Variants in COL26A1 observed in about 807,000 individuals in gnomAD.
COL26A1 encodes the protein collagen type XXVI alpha 1 chain.
Under a neutral mutation model 59.3 loss-of-function variants are expected in COL26A1, and 41 were observed. The ratio of observed to expected loss-of-function variants is 0.69; its 90% CI spans 0.54 to 0.90. COL26A1 has a LOEUF of 0.90. COL26A1 is among the 40% of genes least tolerant of loss of function. The pLI is 0.00. For missense variants in COL26A1, 612 were observed against 602.3 expected (o/e 1.02, Z -0.17); for synonymous variants, 266 against 256.0 (o/e 1.04, Z -0.37).
At chr7:101,458,106 G>C (rs886312771) in intron 3 of COL26A1, among the ~76,000 whole-genome samples, 3 of 151,950 alleles carry the variant, frequency 2.0e-5, no homozygotes, top group Admixed American at 1.3e-4. Flanking sequence ...ATGTTGGCCA[G>C]GCTGGTCTTA....
chr7:101,520,662 A>ACACACACACACACACACACACCC (rs915256077), intron 3 of COL26A1, among the ~76,000 whole-genome samples: 28 of 143,356 alleles, frequency 2.0e-4, no homozygotes, highest in African/African-American at 6.5e-4. Context: ...ACACACACAC[A>ACACACACACACACACACACACCC]CCCCCGTGTT....
intron 3 of COL26A1, among the ~76,000 whole-genome samples, chr7:101,473,171 C>G (rs1244808528): frequency 2.0e-5 from 3 of 152,100 alleles, no homozygotes; most frequent in South Asian, 4.1e-4. Flanking sequence ...GCTCCACCTC[C>G]TGGGTTCACG....
chr7:101,398,370 GAC>G (rs1260791845), intron 1 of COL26A1, among the ~76,000 whole-genome samples: 1 of 152,140 alleles, frequency 6.6e-6, no homozygotes, highest in South Asian at 2.1e-4. Context: ...CCAGTTTCTT[GAC>G]ACACAGCTCT....
chr7:101,461,494 C>T (rs949924767), intron 3 of COL26A1, among the ~76,000 whole-genome samples: 8 of 152,144 alleles, frequency 5.3e-5, no homozygotes, highest in South Asian at 4.1e-4. Flanking sequence ...GATGGGGATT[C>T]GCCATGTTGG....
chr7:101,456,611 C>T (rs2130409711), intron 3 of COL26A1, among the ~76,000 whole-genome samples: 1 of 137,766 alleles, frequency 7.3e-6, no homozygotes, highest in Middle Eastern at 3.5e-3. Context: ...TTATGGTGAG[C>T]CGAGATCACG....
chr7:101,502,097 C>G (rs1794718619), intron 3 of COL26A1, among the ~76,000 whole-genome samples: 1 of 152,208 alleles, frequency 6.6e-6, no homozygotes, highest in Non-Finnish European at 1.5e-5. Context: ...CGCCTATAAT[C>G]CCAGCACTTT....
chr7:101,490,157 C>T (rs1037554394), intron 3 of COL26A1, among the ~76,000 whole-genome samples: 14 of 151,378 alleles, frequency 9.2e-5, no homozygotes, highest in African/African-American at 3.2e-4. Context: ...AGGCTGGTCT[C>T]GAACTCCTGA....
At chr7:101,501,604 C>T (rs765071052) in intron 3 of COL26A1, among the ~76,000 whole-genome samples, 19 of 152,004 alleles carry the variant, frequency 1.2e-4, no homozygotes, top group Non-Finnish European at 2.6e-4. Flanking sequence ...TCACTCTCTG[C>T]CTGTTGTTTC....
chr7:101,483,990 A>AGTGT (rs55863250), intron 3 of COL26A1, among the ~76,000 whole-genome samples: 10,669 of 127,828 alleles, frequency 0.083, 499 homozygotes, highest in East Asian at 0.092. Context: ...AACTTTTTAA[A>AGTGT]GTGTGTGTGT....
chr7:101,545,867 A>C (rs1336017121), intron 7 of COL26A1, among the ~76,000 whole-genome samples: 3 of 152,056 alleles, frequency 2.0e-5, no homozygotes, highest in African/African-American at 7.2e-5. Context: ...CAGATTCCCT[A>C]CCTGGCTACC....
chr7:101,467,362 G>A (rs73398924), intron 3 of COL26A1, among the ~76,000 whole-genome samples: 5,417 of 144,676 alleles, frequency 0.037, 369 homozygotes, highest in African/African-American at 0.13. Flanking sequence ...TGCACAGGGC[G>A]GGGGGAGGAT....
chr7:101,540,136 C>T, intron 5 of COL26A1, 87 bp downstream of exon 5: 2 of 1,329,202 alleles, frequency 1.5e-6, no homozygotes, highest in Non-Finnish European at 2.0e-6. Flanking sequence ...AGAGGCCACA[C>T]ACTAGACACT....
intron 1 of COL26A1, among the ~76,000 whole-genome samples, chr7:101,365,859 A>G (rs554562311): frequency 6.6e-6 from 1 of 152,270 alleles, no homozygotes; most frequent in Non-Finnish European, 1.5e-5. Context: ...ATACGCCTGC[A>G]AAAAAGCAAG....
At chr7:101,552,053 G>C (rs2130683009) in intron 10 of COL26A1, among the ~76,000 whole-genome samples, 1 of 152,342 alleles carries the variant, frequency 6.6e-6, no homozygotes, top group South Asian at 2.1e-4. Flanking sequence ...GCCTGGATTT[G>C]AACCAGGGAG....
intron 3 of COL26A1, among the ~76,000 whole-genome samples, chr7:101,523,334 GC>G (rs1437121809): frequency 6.6e-6 from 1 of 152,104 alleles, no homozygotes; most frequent in Non-Finnish European, 1.5e-5. Flanking sequence ...CTCCCAAAGT[GC>G]TGGAATTACA....
chr7:101,548,745 T>C (rs1795796905), intron 8 of COL26A1, among the ~76,000 whole-genome samples: 1 of 151,938 alleles, frequency 6.6e-6, no homozygotes, highest in East Asian at 1.9e-4. Flanking sequence ...GAGAGTGTAC[T>C]CTTGGGGGCC....
At chr7:101,502,603 A>C (rs1177708482) in intron 3 of COL26A1, among the ~76,000 whole-genome samples, 1 of 151,702 alleles carries the variant, frequency 6.6e-6, no homozygotes, top group Non-Finnish European at 1.5e-5. Context: ...CCGGGGCCGG[A>C]GTTGGGCTGG....
At chr7:101,450,565 G>A (rs544113963) in intron 3 of COL26A1, among the ~76,000 whole-genome samples, 1 of 151,986 alleles carries the variant, frequency 6.6e-6, no homozygotes, top group East Asian at 1.9e-4. Context: ...TACCTCCCAC[G>A]AGCCAAGTGC....
intron 4 of COL26A1, among the ~76,000 whole-genome samples, chr7:101,536,810 C>T (rs1358453922): frequency 2.6e-5 from 4 of 152,226 alleles, no homozygotes. Flanking sequence ...AAGCCAGGCT[C>T]TTCGCTGACT....
Sources: allele counts gnomAD v4.1 joint callset (sites outside exome capture counted in the v4.1 genomes callset), GRCh38; gene constraint gnomAD v4.1.1; transcripts MANE v1.5; gene names NCBI Gene and HGNC (gene_info 2026-07-23, HGNC 2026-07-21).